Variants in TMEFF1 observed in about 807,000 individuals in gnomAD.
The protein encoded by TMEFF1 is transmembrane protein with EGF like and two follistatin like domains 1, also known as tomoregulin-1.
In TMEFF1, 20 loss-of-function variants were observed where a neutral mutation model predicts 47.5. The observed-to-expected ratio is 0.42, with a 90% CI of 0.30 to 0.61. The LOEUF is 0.61. Ranked by LOEUF, TMEFF1 falls within the 20% of genes least tolerant of loss-of-function variation. The pLI is 0.19. For missense variants in TMEFF1, 411 were observed against 471.1 expected (o/e 0.87, Z 1.18); for synonymous variants, 162 against 166.3 (o/e 0.97, Z 0.20).
At chr9:100,566,680 T>G (rs1233122873) in intron 8 of TMEFF1, among the ~76,000 whole-genome samples, 1 of 152,114 alleles carries the variant, frequency 6.6e-6, no homozygotes, top group Non-Finnish European at 1.5e-5. Context: ...CAGCAGACAG[T>G]GAGTGCCCCC....
chr9:100,515,936 A>G (rs1298655907), intron 4 of TMEFF1, among the ~76,000 whole-genome samples: 2 of 152,190 alleles, frequency 1.3e-5, no homozygotes, highest in Non-Finnish European at 2.9e-5. Context: ...TGAGATTATC[A>G]GGATATGATC....
intron 1 of TMEFF1, among the ~76,000 whole-genome samples, chr9:100,485,545 T>C (rs1837432080): frequency 6.6e-6 from 1 of 152,248 alleles, no homozygotes; most frequent in Admixed American, 6.5e-5. Flanking sequence ...TAACCAACCA[T>C]CTTCATTTAA....
intron 1 of TMEFF1, among the ~76,000 whole-genome samples, chr9:100,494,615 C>G (rs1837618188): frequency 6.6e-6 from 1 of 152,050 alleles, no homozygotes; most frequent in Non-Finnish European, 1.5e-5. Context: ...AGGAAAAAAA[C>G]AGAGGAAGAA....
intron 5 of TMEFF1, among the ~76,000 whole-genome samples, chr9:100,534,483 C>T (rs571031120): frequency 6.6e-6 from 1 of 152,318 alleles, no homozygotes; most frequent in East Asian, 1.9e-4. Context: ...GTGCACGCTT[C>T]TGTGCTTTGG....
chr9:100,530,766 G>T (rs1838360997), intron 5 of TMEFF1, among the ~76,000 whole-genome samples: 3 of 151,904 alleles, frequency 2.0e-5, no homozygotes, highest in South Asian at 2.1e-4. Flanking sequence ...TACCAAAGCC[G>T]GGCAGAGACA....
intron 1 of TMEFF1, among the ~76,000 whole-genome samples, chr9:100,480,089 G>T (rs192144738): frequency 6.6e-6 from 1 of 152,262 alleles, no homozygotes; most frequent in Admixed American, 6.5e-5. Flanking sequence ...ATGTATCAAT[G>T]TCGTTTTTAT....
At chr9:100,545,996 C>T (rs1226351091) in intron 5 of TMEFF1, among the ~76,000 whole-genome samples, 2 of 152,188 alleles carry the variant, frequency 1.3e-5, no homozygotes, top group African/African-American at 4.8e-5. Context: ...CAAAGCCATT[C>T]AACCAGTCTC....
intron 8 of TMEFF1, among the ~76,000 whole-genome samples, chr9:100,564,310 G>A (rs1262304851): frequency 6.6e-6 from 1 of 152,054 alleles, no homozygotes; most frequent in Non-Finnish European, 1.5e-5. Context: ...CCTGACCTCA[G>A]GTGATCCACC....
At chr9:100,546,985 A>G (rs937692623) in intron 5 of TMEFF1, among the ~76,000 whole-genome samples, 2 of 152,062 alleles carry the variant, frequency 1.3e-5, no homozygotes, top group African/African-American at 4.8e-5. Flanking sequence ...TGTCTATTAT[A>G]TTTTTTAACC....
intron 2 of TMEFF1, among the ~76,000 whole-genome samples, chr9:100,499,410 G>A (rs1837715826): frequency 6.6e-6 from 1 of 152,126 alleles, no homozygotes; most frequent in South Asian, 2.1e-4. Context: ...GTCTAAAAAA[G>A]TAAAACAAGG....
intron 5 of TMEFF1, among the ~76,000 whole-genome samples, chr9:100,522,149 G>A (rs1838172454): frequency 6.6e-6 from 1 of 152,150 alleles, no homozygotes; most frequent in Admixed American, 6.5e-5. Flanking sequence ...GAAGCTTCAT[G>A]TACTTTTTAA....
chr9:100,557,699 A>C (rs1037435372), intron 7 of TMEFF1, among the ~76,000 whole-genome samples: 1 of 152,156 alleles, frequency 6.6e-6, no homozygotes, highest in South Asian at 2.1e-4. Flanking sequence ...TAGTGTTATA[A>C]AACCATCTTT....
At chr9:100,510,475 G>GT (rs1333091058) in intron 3 of TMEFF1, among the ~76,000 whole-genome samples, 2 of 151,994 alleles carry the variant, frequency 1.3e-5, no homozygotes, top group African/African-American at 4.8e-5. Context: ...AGTGTTCATA[G>GT]TTTTTTCTTT....
intron 5 of TMEFF1, among the ~76,000 whole-genome samples, chr9:100,521,647 A>T (rs961420352): frequency 6.6e-6 from 1 of 152,184 alleles, no homozygotes; most frequent in African/African-American, 2.4e-5. Context: ...GGGACACATA[A>T]TCATAGGACT....
At chr9:100,510,846 TC>T (rs1371578357) in intron 3 of TMEFF1, among the ~76,000 whole-genome samples, 1 of 152,124 alleles carries the variant, frequency 6.6e-6, no homozygotes, top group African/African-American at 2.4e-5. Flanking sequence ...AATTGAAGAC[TC>T]TGGGTCCACT....
At chr9:100,515,219 G>A (rs1838043664) in intron 4 of TMEFF1, among the ~76,000 whole-genome samples, 1 of 151,902 alleles carries the variant, frequency 6.6e-6, no homozygotes, top group African/African-American at 2.4e-5. Flanking sequence ...TTTTTTTTGA[G>A]AGCATGAGTT....
At chr9:100,531,055 C>G (rs1838367140) in intron 5 of TMEFF1, among the ~76,000 whole-genome samples, 1 of 151,686 alleles carries the variant, frequency 6.6e-6, no homozygotes, top group Non-Finnish European at 1.5e-5. Context: ...GCTAAAAACT[C>G]TCAATAAATT....
At chr9:100,510,799 T>C (rs1480374194) in intron 3 of TMEFF1, among the ~76,000 whole-genome samples, 1 of 152,086 alleles carries the variant, frequency 6.6e-6, no homozygotes, top group Non-Finnish European at 1.5e-5. Context: ...TTGGGGCTCA[T>C]TATGTAAGTA....
intron 8 of TMEFF1, among the ~76,000 whole-genome samples, chr9:100,564,748 A>G (rs1839089878): frequency 6.6e-6 from 1 of 152,198 alleles, no homozygotes; most frequent in Non-Finnish European, 1.5e-5. Context: ...TCTGAAAGCC[A>G]CTCTGGTGAC....
Sources: allele counts gnomAD v4.1 joint callset (sites outside exome capture counted in the v4.1 genomes callset), GRCh38; gene constraint gnomAD v4.1.1; transcripts MANE v1.5; gene names NCBI Gene and HGNC (gene_info 2026-07-23, HGNC 2026-07-21).